EIF1AD: variants seen among roughly 807,000 people sequenced by gnomAD.
EIF1AD encodes the protein probable RNA-binding protein EIF1AD.
EIF1AD carries 9 observed loss-of-function variants against 21.7 expected under a neutral mutation model. That is an observed-to-expected ratio of 0.41 (90% CI 0.25 to 0.72). EIF1AD has a LOEUF of 0.72. Ranked by LOEUF, EIF1AD falls within the 30% of genes least tolerant of loss-of-function variation. The pLI, the probability that EIF1AD is intolerant of heterozygous loss-of-function variation, is 0.29. For synonymous variants in EIF1AD, 78 were observed against 70.9 expected (o/e 1.10, Z -0.50); for missense variants, 164 against 199.7 (o/e 0.82, Z 1.08).
chr11:65,998,538 T>G lies in EIF1AD; in HGVS notation c.*61A>C. 6.3e-7 allele frequency: 1 copy of G among 1,592,620 alleles called. No homozygotes were observed. The highest frequency in any genetic ancestry group is 8.6e-7 in the Non-Finnish European group (1 of 1,169,144). On this transcript the variant is annotated 3_prime_UTR_variant, in exon 6 of 6. Transcript: ENST00000533544. ...AGATGTGCAGAGCACCCTGGGAATG[T>G]CCAAGCCCAGAAGAGCCAGGGGCCA...
At chr11:66,001,005 G>T (rs980244094) in intron 1 of EIF1AD, among the ~76,000 whole-genome samples, 1 of 152,116 alleles carries the variant, frequency 6.6e-6, no homozygotes, top group African/African-American at 2.4e-5. Context: ...AGAGTTGTAA[G>T]CCCTTAAAAG....
intron 5 of EIF1AD, among the ~76,000 whole-genome samples, chr11:65,999,143 G>A (rs772565743): frequency 5.9e-5 from 9 of 152,220 alleles, no homozygotes; most frequent in Non-Finnish European, 1.3e-4. Context: ...CGTGCTTAAA[G>A]TCATTCAGCT....
intron 1 of EIF1AD, 33 bp from the exon 2 acceptor site, chr11:66,000,538 A>G (rs1417150959): frequency 2.2e-5 from 16 of 714,096 alleles, no homozygotes; most frequent in South Asian, 2.2e-4. Context: ...GGTTAAGAAC[A>G]TGGGTTCTGA....
At chr11:66,000,217 G>C (rs541380914) in intron 2 of EIF1AD, 56 bp from the exon 3 acceptor site, 1 of 1,606,530 alleles carries the variant, frequency 6.2e-7, no homozygotes, top group South Asian at 1.1e-5. Context: ...CACCCTCTCA[G>C]ACACGCTGCA....
At chr11:65,999,862 A>C in intron 3 of EIF1AD, 187 bp from the exon 4 acceptor site, 1 of 638,980 alleles carries the variant, frequency 1.6e-6, no homozygotes, top group South Asian at 1.9e-5. Flanking sequence ...AGCTGACTGC[A>C]GCCTCCACCT....
chr11:65,999,566 C>G lies in EIF1AD; in HGVS notation c.305+1G>C, dbSNP rs370139198. 6.2e-7 allele frequency: 1 copy of G among 1,612,532 alleles called. No homozygotes were observed. Among genetic ancestry groups the G allele is most frequent in the Non-Finnish European group, 8.5e-7 (1 of 1,179,110 alleles). On this transcript the variant is annotated splice_donor_variant, in intron 4 of 5. Transcript: ENST00000533544. LOFTEE classifies it high-confidence loss of function. ...AGCCAATGATCAAGGGGACCACCTA[C>G]CAAAACCCCTCCTTCTGCAGAGAGC...
rs771096379 is a variant in EIF1AD, at chr11:66,000,404, A to G, written c.-15T>C. On this transcript the variant is annotated 5_prime_UTR_variant, in exon 2 of 6. Transcript: ENST00000533544. ...GCCTGAGACATGCTGAAGTCGTCCCACACTGGTTAGGAACGAAGAGACTGT... is the reference window on the plus strand; with the variant it reads ...GCCTGAGACATGCTGAAGTCGTCCCGCACTGGTTAGGAACGAAGAGACTGT... The G allele has an allele frequency of 6.3e-7, 1 of 1,595,692 alleles. No individual in the cohort carries two copies. The highest frequency in any genetic ancestry group is 8.5e-7 in the Non-Finnish European group (1 of 1,170,634).
intron 5 of EIF1AD, among the ~76,000 whole-genome samples, chr11:65,999,000 CAACT>C (rs1293985518): frequency 6.6e-6 from 1 of 152,196 alleles, no homozygotes; most frequent in Non-Finnish European, 1.5e-5. Context: ...CTACGACCAC[CAACT>C]AACACTTAAT....
intron 3 of EIF1AD, 117 bp from the exon 4 acceptor site, chr11:65,999,792 CTTTTTTT>C (rs150611708): frequency 2.7e-6 from 2 of 748,118 alleles, no homozygotes; most frequent in Non-Finnish European, 4.4e-6. Context: ...TCTCTTTTTT[CTTTTTTT>C]TGAGACAGGG....
At position 65,998,560 on chromosome 11, in the gene EIF1AD, G is replaced by A; in HGVS notation, c.*39C>T. Reference sequence around the variant, plus strand: ...ATGTCCAAGCCCAGAAGAGCCAGGGGCCAGTCCCTGAGCAAGTGGAGAATT... The same window carrying A: ...ATGTCCAAGCCCAGAAGAGCCAGGGACCAGTCCCTGAGCAAGTGGAGAATT... On this transcript the variant is annotated 3_prime_UTR_variant, in exon 6 of 6. Transcript: ENST00000533544. The A allele has an allele frequency of 6.2e-7, 1 of 1,608,408 alleles. No homozygotes were observed. The highest frequency in any genetic ancestry group is 8.5e-7 in the Non-Finnish European group (1 of 1,177,618).
chr11:65,998,362 T>A lies in EIF1AD; in HGVS notation c.*237A>T. On this transcript the variant is annotated 3_prime_UTR_variant, in exon 6 of 6. Coordinates refer to ENST00000533544, the MANE Select transcript of EIF1AD (RefSeq NM_001242481.2). ...ACCCACCCACAAGGTCTCTAATAAATAGGGAGCAGTTTTTCACTTCATCAC... is the reference window on the plus strand; with the variant it reads ...ACCCACCCACAAGGTCTCTAATAAAAAGGGAGCAGTTTTTCACTTCATCAC... The A allele has an allele frequency of 1.9e-5, 6 of 311,664 alleles. No individual in the cohort carries two copies. Among genetic ancestry groups the A allele is most frequent in the East Asian group, 5.9e-5 (1 of 16,880 alleles). The allele number at this position is 311,664 out of a possible 1,614,324, so 19.3% of individuals were successfully genotyped here.
chr11:65,999,759 G>T, intron 3 of EIF1AD, 84 bp from the exon 4 acceptor site: 1 of 945,648 alleles, frequency 1.1e-6, no homozygotes, highest in Non-Finnish European at 1.7e-6. Flanking sequence ...CTATCTCCTA[G>T]AGAGGGCTGC....
intron 5 of EIF1AD, among the ~76,000 whole-genome samples, 170 bp from the exon 6 acceptor site, chr11:65,998,913 CAAAG>C (rs1321720873): frequency 6.6e-6 from 1 of 152,080 alleles, no homozygotes; most frequent in African/African-American, 2.4e-5. Flanking sequence ...GAAACGTGGC[CAAAG>C]AAACAGGCTA....
intron 5 of EIF1AD, 146 bp from the exon 6 acceptor site, chr11:65,998,889 G>A (rs72930951): frequency 0.032 from 28,925 of 892,032 alleles, 927 homozygotes; most frequent in East Asian, 0.15. Context: ...GGACACAGGA[G>A]AGCAAACAGT....
Position 65,999,432 on chromosome 11 carries a change from A to G in EIF1AD, c.306-35T>C, listed in dbSNP as rs773725257. The G allele has an allele frequency of 6.2e-6, 10 of 1,614,064 alleles. No individual in the cohort carries two copies. The African/African-American group carries it at 1.3e-4, about 22-fold the overall frequency. ...GAGATGAGCCAAAGTCAGAAAGGAC[A>G]AATAAATTTCTCACAAAAGAGCTGC... is the stretch of plus-strand genomic sequence containing the variant. On this transcript the variant is annotated intron_variant, in intron 4 of 5. Transcript: ENST00000533544.
At chr11:66,000,026 C>T (rs375881218) in intron 3 of EIF1AD, 27 bp downstream of exon 3, 19 of 1,548,310 alleles carry the variant, frequency 1.2e-5, no homozygotes, top group Middle Eastern at 3.4e-4. Context: ...TCTCAAAGTG[C>T]CAGGATTACA....
intron 3 of EIF1AD, 165 bp from the exon 4 acceptor site, chr11:65,999,840 T>C: frequency 1.5e-6 from 1 of 650,998 alleles, no homozygotes; most frequent in Non-Finnish European, 2.6e-6. Flanking sequence ...TGGCAAGCAA[T>C]AGCATGATCA....
In EIF1AD at chr11:65,998,277, G is replaced by C. The variant is rs143921533; in HGVS notation, c.*322C>G. 47 of 211,572 alleles carry C rather than the reference G, an allele frequency of 2.2e-4. No individual in the cohort carries two copies. The highest frequency in any genetic ancestry group is 9.9e-4 in the African/African-American group (43 of 43,260). 13.1% of individuals were successfully genotyped at this position (211,572 alleles called of 1,614,324 possible). A position where few individuals can be genotyped will look rare whatever the true frequency, so the allele number is the denominator to read the frequency against. On this transcript the variant is annotated 3_prime_UTR_variant, in exon 6 of 6. Coordinates refer to ENST00000533544, the MANE Select transcript of EIF1AD (RefSeq NM_001242481.2). ...CTGGCACTTTCTAAGTGCCCAATAA[G>C]AAAGAACAAACCACCTGGGAAAGAC...
In EIF1AD at chr11:65,998,377, C is replaced by G; in HGVS notation, c.*222G>C. ...CTCTAATAAATAGGGAGCAGTTTTTCACTTCATCACAATCTCCCTCCCCCG... is the reference window on the plus strand; with the variant it reads ...CTCTAATAAATAGGGAGCAGTTTTTGACTTCATCACAATCTCCCTCCCCCG... On this transcript the variant is annotated 3_prime_UTR_variant, in exon 6 of 6. Transcript: ENST00000533544. 5.7e-6 allele frequency: 2 copies of G among 349,260 alleles called. No individual in the cohort carries two copies. Among genetic ancestry groups the G allele is most frequent in the Non-Finnish European group, 5.1e-6 (1 of 195,464 alleles). 21.6% of individuals were successfully genotyped at this position (349,260 alleles called of 1,614,324 possible).
Sources: allele counts gnomAD v4.1 joint callset (sites outside exome capture counted in the v4.1 genomes callset), GRCh38; gene constraint gnomAD v4.1.1; transcripts MANE v1.5; gene names NCBI Gene and HGNC (gene_info 2026-07-23, HGNC 2026-07-21).